The following TRIO variants were observed in gnomAD, a reference collection of about 807,000 sequenced individuals.
TRIO encodes triple functional domain protein.
TRIO carries 58 observed loss-of-function variants against 351.9 expected under a neutral mutation model. That is an observed-to-expected ratio of 0.16 (90% confidence interval 0.13 to 0.21). The LOEUF (loss-of-function observed/expected upper bound fraction) is 0.21, where lower values mean the gene tolerates loss of function less well. Among genes scored for constraint, TRIO ranks in the 10% least tolerant of loss-of-function variants. The pLI, the probability that TRIO is intolerant of heterozygous loss-of-function variation, is 1.00. For missense variants in TRIO, 3,201 were observed against 4,027.8 expected (o/e 0.79, Z 5.56); for synonymous variants, 1,758 against 1,595.7 (o/e 1.10, Z -2.42).
chr5:14,503,113 C>G (rs1757412659), intron 54 of TRIO, among the ~76,000 whole-genome samples: 1 of 152,250 alleles, frequency 6.6e-6, no homozygotes, highest in African/African-American at 2.4e-5. Flanking sequence ...TCATGAGGGG[C>G]AGCCGAGTCA....
chr5:14,219,786 AC>A (rs1212718133), intron 1 of TRIO, among the ~76,000 whole-genome samples: 1 of 151,984 alleles, frequency 6.6e-6, no homozygotes, highest in African/African-American at 2.4e-5. Flanking sequence ...ACATTAAAGA[AC>A]CATTTCTGGA....
chr5:14,194,181 GCTGT>G (rs987732170), intron 1 of TRIO, among the ~76,000 whole-genome samples: 8 of 152,144 alleles, frequency 5.3e-5, no homozygotes, highest in African/African-American at 1.7e-4. Context: ...TAAAAAAAGA[GCTGT>G]CTTTTTACTA....
rs2126725906 is a variant in TRIO, at chr5:14,508,418, T to A, written c.9290T>A (p.Val3097Asp). 1 of 1,602,940 alleles carries A rather than the reference T, an allele frequency of 6.2e-7. No homozygotes were observed. Among genetic ancestry groups the A allele is most frequent in the Admixed American group, 1.7e-5 (1 of 59,172 alleles). ...NFLQSRLLPR[V>D] Reference sequence around the variant, plus strand: ...CTGCAGAGCAGGCTTCTGCCTAGAGTTTGACCTATCCAGAAGTTCTTTCTC... The same window carrying A: ...CTGCAGAGCAGGCTTCTGCCTAGAGATTGACCTATCCAGAAGTTCTTTCTC... The change falls in exon 57 of 57, where the codon GTT becomes GAT. Residue 3097 changes from valine to aspartate, a missense_variant. By Grantham distance (152) the Val-to-Asp change is radical (BLOSUM62 -3). This residue lies in a region of TRIO where 233 missense variants were observed against 292.6 expected (regional missense o/e 0.80). Transcript: ENST00000344204.
intron 45 of TRIO, 153 bp downstream of exon 45, chr5:14,481,771 C>CTTTTTTTTTT (rs34046917): frequency 9.0e-5 from 16 of 177,788 alleles, no homozygotes; most frequent in East Asian, 1.5e-4. Flanking sequence ...ATTTTATTTC[C>CTTTTTTTTTT]TTTTTTTTTT....
In TRIO at chr5:14,248,837, T is replaced by C. The variant is rs966980162; in HGVS notation, c.158-21988T>C. On this transcript the variant is annotated intron_variant, in intron 1 of 56. Transcript: ENST00000344204. Reference sequence around the variant, plus strand: ...ATAAGAAATTCTGATCCCCATATTATGGGCAATGGCTCCAAAGCTCTAAGG... The same window carrying C: ...ATAAGAAATTCTGATCCCCATATTACGGGCAATGGCTCCAAAGCTCTAAGG... Among the ~76,000 whole-genome samples, 50 of 152,224 alleles carry C rather than the reference T, an allele frequency of 3.3e-4. 1 individual carries two copies. The highest frequency in any genetic ancestry group is 1.2e-3 in the African/African-American group (49 of 41,458).
At chr5:14,336,472 C>G in intron 10 of TRIO, 64 bp from the exon 11 acceptor site, 1 of 1,545,244 alleles carries the variant, frequency 6.5e-7, no homozygotes, top group Non-Finnish European at 8.9e-7. Context: ...TATATTATGG[C>G]GCCCAGCCTG....
At chr5:14,459,904 CTTTTCTTTTTTTTCTT>C (rs1002777170) in intron 34 of TRIO, among the ~76,000 whole-genome samples, 10 of 152,134 alleles carry the variant, frequency 6.6e-5, no homozygotes, top group African/African-American at 2.4e-4. Context: ...CCTCACATTT[CTTTTCTTTTTTTTCTT>C]TTTTCTTTTT....
At chr5:14,499,485 A>G (rs1757124774) in intron 53 of TRIO, among the ~76,000 whole-genome samples, 1 of 152,206 alleles carries the variant, frequency 6.6e-6, no homozygotes, top group Non-Finnish European at 1.5e-5. Flanking sequence ...CTCCAAATGA[A>G]AGATAAATTG....
chr5:14,298,825 G>A (rs961355973), intron 7 of TRIO, among the ~76,000 whole-genome samples: 2 of 152,168 alleles, frequency 1.3e-5, no homozygotes, highest in Non-Finnish European at 2.9e-5. Flanking sequence ...ATAAAAGATA[G>A]ACAAAAGCCC....
intron 34 of TRIO, among the ~76,000 whole-genome samples, chr5:14,444,785 T>G (rs566873880): frequency 6.6e-6 from 1 of 152,320 alleles, no homozygotes; most frequent in East Asian, 1.9e-4. Flanking sequence ...CAAAGAAACT[T>G]GAAGTTATTT....
chr5:14,422,428 C>T (rs60871697), intron 34 of TRIO, among the ~76,000 whole-genome samples: 17,550 of 152,222 alleles, frequency 0.12, 1,488 homozygotes, highest in African/African-American at 0.24. Flanking sequence ...TCATAACACC[C>T]TGATCCAACT....
intron 49 of TRIO, 109 bp from the exon 50 acceptor site, chr5:14,496,770 C>T: frequency 7.2e-7 from 1 of 1,393,924 alleles, no homozygotes. Flanking sequence ...GATTTCCCAT[C>T]CCCCTGCACA....
intron 2 of TRIO, among the ~76,000 whole-genome samples, chr5:14,271,827 C>T (rs911203904): frequency 1.3e-5 from 2 of 152,220 alleles, no homozygotes; most frequent in African/African-American, 4.8e-5. Context: ...ATAAGTTTTT[C>T]TGTCCTTTGG....
chr5:14,342,716 G>A (rs936679418), intron 11 of TRIO, among the ~76,000 whole-genome samples: 1 of 152,158 alleles, frequency 6.6e-6, no homozygotes, highest in Admixed American at 6.5e-5. Flanking sequence ...TTGTTGATGA[G>A]TCGTCTGTCA....
intron 1 of TRIO, among the ~76,000 whole-genome samples, chr5:14,152,356 G>GTTTT (rs1232210869): frequency 2.2e-5 from 3 of 136,362 alleles, no homozygotes; most frequent in Non-Finnish European, 3.3e-5. Flanking sequence ...ATGTATTTCA[G>GTTTT]TTTTTTTGTT....
intron 34 of TRIO, among the ~76,000 whole-genome samples, chr5:14,428,069 TGTG>T (rs1750796350): frequency 6.6e-6 from 1 of 152,208 alleles, no homozygotes; most frequent in East Asian, 1.9e-4. Flanking sequence ...TCACCCCAAA[TGTG>T]GTCTTTCCCG....
intron 40 of TRIO, 82 bp from the exon 41 acceptor site, chr5:14,476,807 AAAAAG>A: frequency 9.9e-7 from 1 of 1,013,422 alleles, no homozygotes; most frequent in Non-Finnish European, 1.4e-6. Flanking sequence ...AAAAAAAGAA[AAAAAG>A]AAAAAGAAAA....
intron 4 of TRIO, among the ~76,000 whole-genome samples, chr5:14,290,215 G>A (rs1027339760): frequency 1.3e-5 from 2 of 152,204 alleles, no homozygotes; most frequent in Admixed American, 1.3e-4. Flanking sequence ...TTAGAGTGAT[G>A]TTACACTTAA....
Position 14,387,589 on chromosome 5 carries a change from C to A in TRIO, c.3722C>A (p.Ser1241Tyr). 1 of 1,613,438 alleles carries A rather than the reference C, an allele frequency of 6.2e-7. No individual in the cohort carries two copies. Among genetic ancestry groups the A allele is most frequent in the Non-Finnish European group, 8.5e-7 (1 of 1,179,642 alleles). ...FSLRMEKYRTSLEKALGISSD... is the reference protein window; with the variant it reads ...FSLRMEKYRTYLEKALGISSD... Reference sequence around the variant, plus strand: ...CTGCGGATGGAGAAGTACAGGACCTCTTTGGAAAAAGCCCTGGGGATTTCT... The same window carrying A: ...CTGCGGATGGAGAAGTACAGGACCTATTTGGAAAAAGCCCTGGGGATTTCT... The change falls in exon 22 of 57, where the codon TCT (serine) becomes TAT (tyrosine). Residue 1241 changes from serine to tyrosine, a missense_variant. Ser to Tyr is a moderately radical substitution (Grantham distance 144, BLOSUM62 -2). Transcript: ENST00000344204.
Sources: gnomAD v4.1 joint callset for allele counts (sites outside exome capture counted in the v4.1 genomes callset) on GRCh38, gnomAD v4.1.1 for gene constraint, gnomAD v4.1.1 regional missense constraint, MANE v1.5 for transcripts, NCBI Gene and HGNC (gene_info 2026-07-23, HGNC 2026-07-21) for gene names.